The following LUZP2 variants were observed in gnomAD, a reference collection of about 807,000 sequenced individuals.
The protein encoded by LUZP2 is leucine zipper protein 2.
A neutral mutation model predicts 51.6 loss-of-function variants in LUZP2; 52 were observed. The ratio of observed to expected loss-of-function variants is 1.01; its 90% CI spans 0.81 to 1.27. The LOEUF is 1.27. LUZP2 is among the 50% of genes most tolerant of loss of function. The pLI is 0.00. For missense variants in LUZP2, 436 were observed against 395.4 expected, an observed-to-expected ratio of 1.10 and a Z score of -0.87; for synonymous variants, 154 against 137.3, an observed-to-expected ratio of 1.12 and a Z score of -0.85.
intron 1 of LUZP2, among the ~76,000 whole-genome samples, chr11:24,543,821 C>CAGAAAAAAAA (rs1407050931): frequency 3.6e-4 from 1 of 2,768 alleles, no homozygotes; most frequent in African/African-American, 1.8e-3. Flanking sequence ...GACTCTGTCT[C>CAGAAAAAAAA]ACAAAAAAAA....
intron 1 of LUZP2, among the ~76,000 whole-genome samples, chr11:24,633,962 G>A (rs61875689): frequency 0.25 from 34,516 of 140,006 alleles, 4,652 homozygotes; most frequent in African/African-American, 0.37. Context: ...GTGTGTGTGT[G>A]TGTATATATA....
chr11:24,881,744 T>A (rs7935474), intron 5 of LUZP2, among the ~76,000 whole-genome samples: 10,055 of 151,822 alleles, frequency 0.066, 1,121 homozygotes, highest in African/African-American at 0.22. Flanking sequence ...TTCAATAAAA[T>A]GAAATATTTT....
At chr11:24,672,528 G>A (rs188703110) in intron 1 of LUZP2, among the ~76,000 whole-genome samples, 4 of 152,032 alleles carry the variant, frequency 2.6e-5, no homozygotes, top group East Asian at 1.9e-4. Flanking sequence ...TTAAGATGAA[G>A]CGCATTCTCC....
intron 1 of LUZP2, among the ~76,000 whole-genome samples, chr11:24,677,723 T>C (rs955577542): frequency 6.6e-6 from 1 of 152,216 alleles, no homozygotes; most frequent in African/African-American, 2.4e-5. Flanking sequence ...TGTGTGTATA[T>C]CTTTGTCTCT....
At chr11:25,004,678 T>G (rs1382709044) in intron 9 of LUZP2, among the ~76,000 whole-genome samples, 1 of 152,176 alleles carries the variant, frequency 6.6e-6, no homozygotes, top group Middle Eastern at 3.2e-3. Context: ...CCCTGAATTA[T>G]GGTGGACATC....
rs182418844 is a variant in LUZP2 at position 24,963,662 on chromosome 11, G to A, written c.523-12929G>A. ...GGAGTGACCCGATTTTCCAGGTGCT[G>A]TCTGTCACCCCTTTCTTTGACTAGG... On this transcript the variant is annotated intron_variant, in intron 7 of 11. Transcript: ENST00000336930. Among the ~76,000 whole-genome samples, 529 of 152,252 alleles carry A rather than the reference G, an allele frequency of 3.5e-3. 1 individual carries two copies. Among genetic ancestry groups the A allele is most frequent in the Non-Finnish European group, 5.6e-3 (381 of 68,012 alleles).
At chr11:24,566,311 TTGTA>T (rs1314742719) in intron 1 of LUZP2, among the ~76,000 whole-genome samples, 4 of 123,736 alleles carry the variant, frequency 3.2e-5, no homozygotes, top group African/African-American at 9.3e-5. Flanking sequence ...TATTTATTTA[TTGTA>T]TTATTTATTT....
chr11:25,074,088 A>G (rs1169192002), intron 10 of LUZP2, among the ~76,000 whole-genome samples: 1 of 152,072 alleles, frequency 6.6e-6, no homozygotes, highest in Admixed American at 6.6e-5. Flanking sequence ...ATACTACAAC[A>G]TTGGAAATGG....
At chr11:24,977,097 C>T (rs1855901130) in intron 8 of LUZP2, among the ~76,000 whole-genome samples, 2 of 151,558 alleles carry the variant, frequency 1.3e-5, no homozygotes, top group Non-Finnish European at 3.0e-5. Flanking sequence ...TCTATATTTA[C>T]TTAGAAACAT....
chr11:24,572,123 T>G (rs1852464130), intron 1 of LUZP2, among the ~76,000 whole-genome samples: 1 of 151,994 alleles, frequency 6.6e-6, no homozygotes, highest in Non-Finnish European at 1.5e-5. Context: ...CAATAAATAG[T>G]GAAGTGATGA....
At chr11:24,786,646 CACATAGG>C in intron 5 of LUZP2, 2 of 22,228 alleles carry the variant, frequency 9.0e-5, no homozygotes, top group Non-Finnish European at 1.5e-4. Flanking sequence ...TATTATATAC[CACATAGG>C]TATATAATAT....
Position 24,667,246 on chromosome 11 carries a change from C to T in LUZP2, c.63-61923C>T, listed in dbSNP as rs193014756. Among the ~76,000 whole-genome samples, 99 of 148,142 alleles carry T rather than the reference C, an allele frequency of 6.7e-4. 2 individuals are homozygous for T. The South Asian group carries it at 0.013, about 20-fold the overall frequency. On this transcript the variant is annotated intron_variant, in intron 1 of 11. Transcript: ENST00000336930. ...TCACACAGGCTGGAGTGCAGTGGCA[C>T]GATCTCGGATCATTGCAACCTCCAC...
chr11:25,005,961 C>T (rs1856823586), intron 9 of LUZP2, among the ~76,000 whole-genome samples: 1 of 152,000 alleles, frequency 6.6e-6, no homozygotes, highest in African/African-American at 2.4e-5. Flanking sequence ...AGGGCCAAAC[C>T]CTGAGTGAGG....
At chr11:24,950,395 G>C (rs117101689) in intron 7 of LUZP2, among the ~76,000 whole-genome samples, 1 of 151,552 alleles carries the variant, frequency 6.6e-6, no homozygotes, top group Admixed American at 6.6e-5. Context: ...ATCCAGTTGT[G>C]AATGCTTCAT....
chr11:24,726,909 G>A (rs764410026), intron 1 of LUZP2, among the ~76,000 whole-genome samples: 5 of 151,998 alleles, frequency 3.3e-5, no homozygotes, highest in East Asian at 1.9e-4. Context: ...GGTTACTTCC[G>A]CAGTGTAATT....
chr11:24,995,124 C>G lies in LUZP2; in HGVS notation c.765+11831C>G, dbSNP rs531528236. Among the ~76,000 whole-genome samples, 3 of 152,206 alleles carry G rather than the reference C, an allele frequency of 2.0e-5. No individual in the cohort carries two copies. The East Asian group carries it at 5.8e-4, about 29-fold the overall frequency. On this transcript the variant is annotated intron_variant, in intron 9 of 11. Transcript: ENST00000336930. ...GAATTACAGGCTGGATGTGATGGCT[C>G]ACACCTGTAATCCCAACACTTTTGG...
At chr11:25,075,685 G>A (rs1201469207) in intron 10 of LUZP2, among the ~76,000 whole-genome samples, 1 of 152,100 alleles carries the variant, frequency 6.6e-6, no homozygotes, top group African/African-American at 2.4e-5. Flanking sequence ...TGGCAGAAAT[G>A]AGTAGCTGGT....
chr11:24,530,585 T>C (rs1388733364), intron 1 of LUZP2, among the ~76,000 whole-genome samples: 2 of 151,006 alleles, frequency 1.3e-5, no homozygotes, highest in Admixed American at 1.3e-4. Context: ...TCTTATAAAC[T>C]GTATCTCTCC....
At chr11:24,833,705 C>T (rs987571549) in intron 5 of LUZP2, among the ~76,000 whole-genome samples, 111 of 140,198 alleles carry the variant, frequency 7.9e-4, no homozygotes, top group Non-Finnish European at 1.2e-3. Flanking sequence ...CCTGCCACCG[C>T]GCGCGCGCAC....
Sources: gnomAD v4.1 joint callset for allele counts (sites outside exome capture counted in the v4.1 genomes callset) on GRCh38, gnomAD v4.1.1 for gene constraint, MANE v1.5 for transcripts, NCBI Gene and HGNC (gene_info 2026-07-23, HGNC 2026-07-21) for gene names.